Variants in TPRG1 observed in about 807,000 individuals in gnomAD.
The protein encoded by TPRG1 is tumor protein p63-regulated gene 1 protein.
A neutral mutation model predicts 29.3 loss-of-function variants in TPRG1; 29 were observed. The observed-to-expected ratio is 0.99, with a 90% CI of 0.74 to 1.35. The LOEUF is 1.35. Among genes scored for constraint, TPRG1 ranks in the 40% most tolerant of loss-of-function variants. The probability of loss-of-function intolerance (pLI) is 0.00; values close to 1 mark genes in which losing one functional copy is unlikely to be tolerated. For synonymous variants in TPRG1, 130 were observed against 116.8 expected (o/e 1.11, Z -0.73); for missense variants, 327 against 335.0 (o/e 0.98, Z 0.19).
chr3:189,074,969 G>A (rs1414084988), intron 4 of TPRG1, among the ~76,000 whole-genome samples: 3 of 151,470 alleles, frequency 2.0e-5, no homozygotes, highest in African/African-American at 7.3e-5. Context: ...CCGCCACCAC[G>A]CCCGGCTAAT....
chr3:189,271,673 A>C (rs1715153309), intron 4 of TPRG1, among the ~76,000 whole-genome samples: 1 of 152,240 alleles, frequency 6.6e-6, no homozygotes, highest in South Asian at 2.1e-4. Context: ...TAGAACTAGA[A>C]AAGACCTTAG....
chr3:189,229,801 A>AT lies in TPRG1; in HGVS notation c.303-8927dup, dbSNP rs1489833673. On this transcript the variant is annotated intron_variant, in intron 3 of 5. Transcript: ENST00000345063. ...AGATTTCTGTGGGATTCCTCAGAGTATTTTTACAACATCGCCTCATCTTGG... is the reference window on the plus strand; with the variant it reads ...AGATTTCTGTGGGATTCCTCAGAGTATTTTTTACAACATCGCCTCATCTTGG... Among the ~76,000 whole-genome samples, 39 of 152,050 alleles carry AT rather than the reference A, an allele frequency of 2.6e-4. 1 individual carries two copies. Among genetic ancestry groups the AT allele is most frequent in the Admixed American group, 1.3e-4 (2 of 15,248 alleles).
intron 4 of TPRG1, among the ~76,000 whole-genome samples, chr3:189,295,659 T>C (rs16864178): frequency 0.028 from 4,290 of 152,116 alleles, 152 homozygotes; most frequent in East Asian, 0.075. Flanking sequence ...CAAGCATCTT[T>C]AGGGGATTGT....
chr3:189,184,071 C>T (rs1730596925), intron 1 of TPRG1, among the ~76,000 whole-genome samples: 1 of 152,158 alleles, frequency 6.6e-6, no homozygotes, highest in South Asian at 2.1e-4. Flanking sequence ...ATGAAATCGT[C>T]ACAATCCATG....
At chr3:189,208,110 T>G (rs1014595029) in intron 2 of TPRG1, among the ~76,000 whole-genome samples, 22 of 152,320 alleles carry the variant, frequency 1.4e-4, no homozygotes, top group African/African-American at 5.3e-4. Flanking sequence ...CTCTCTTACC[T>G]GTGCAATGGA....
chr3:189,113,788 C>T (rs60258160), intron 1 of TPRG1, among the ~76,000 whole-genome samples: 1 of 151,614 alleles, frequency 6.6e-6, no homozygotes. Flanking sequence ...GGACGGGGGA[C>T]GGATAGCTTT....
At chr3:189,010,223 T>C (rs1712525466) in intron 3 of TPRG1, among the ~76,000 whole-genome samples, 1 of 152,172 alleles carries the variant, frequency 6.6e-6, no homozygotes, top group African/African-American at 2.4e-5. Context: ...ATTCCATGTC[T>C]TTGCTGTTGT....
At chr3:189,126,874 T>C (rs962914805) in intron 1 of TPRG1, among the ~76,000 whole-genome samples, 1 of 152,008 alleles carries the variant, frequency 6.6e-6, no homozygotes, top group Non-Finnish European at 1.5e-5. Flanking sequence ...ATTCACACGA[T>C]TTCATTGTGA....
chr3:189,063,651 T>C (rs910435342), intron 4 of TPRG1, among the ~76,000 whole-genome samples: 2 of 149,374 alleles, frequency 1.3e-5, no homozygotes, highest in Non-Finnish European at 3.0e-5. Flanking sequence ...AACATACTTC[T>C]AAATACTTTA....
rs77421865 is a variant in TPRG1, at chr3:189,162,773, G to C, written c.-10+11901G>C. On this transcript the variant is annotated intron_variant, in intron 5 of 6. Transcript: ENST00000412373. ...ACATAAGATACACGTGGGGAAATTTGGAGAGAGAACCAGATCTCTCTCTGT... is the reference window on the plus strand; with the variant it reads ...ACATAAGATACACGTGGGGAAATTTCGAGAGAGAACCAGATCTCTCTCTGT... 4.7e-3 allele frequency among the ~76,000 whole-genome samples: 716 copies of C among 152,196 alleles called. 5 individuals carry two copies. Among genetic ancestry groups the C allele is most frequent in the African/African-American group, 0.017 (686 of 41,506 alleles).
At chr3:189,203,244 T>C (rs554595449) in intron 1 of TPRG1, among the ~76,000 whole-genome samples, 6 of 152,156 alleles carry the variant, frequency 3.9e-5, no homozygotes, top group Non-Finnish European at 7.4e-5. Context: ...CTATATTAAA[T>C]TTAGTTCTGA....
At chr3:189,171,886 C>G (rs1728856961), upstream of TPRG1, 1 of 152,360 alleles carries the variant, frequency 6.6e-6, no homozygotes, top group Non-Finnish European at 1.5e-5. Flanking sequence ...ACCCAATTCT[C>G]TGCCTCTGAC....
intron 5 of TPRG1, among the ~76,000 whole-genome samples, chr3:189,156,117 A>G (rs1726634197): frequency 6.6e-6 from 1 of 152,210 alleles, no homozygotes. Context: ...ATATTTATTT[A>G]TCAATTGTAA....
intron 4 of TPRG1, among the ~76,000 whole-genome samples, chr3:189,055,049 C>T (rs1479981611): frequency 6.6e-6 from 1 of 152,218 alleles, no homozygotes; most frequent in South Asian, 2.1e-4. Flanking sequence ...TCTAACTAAA[C>T]TATCTGTTTG....
chr3:189,024,649 T>C (rs1240563962), intron 4 of TPRG1, among the ~76,000 whole-genome samples: 1 of 152,114 alleles, frequency 6.6e-6, no homozygotes, highest in Non-Finnish European at 1.5e-5. Flanking sequence ...CAAACAACAA[T>C]GATGGTGGCC....
chr3:189,139,913 C>T (rs995572228), intron 3 of TPRG1, among the ~76,000 whole-genome samples: 21 of 152,100 alleles, frequency 1.4e-4, no homozygotes, highest in Non-Finnish European at 2.2e-4. Context: ...ATTGTCAATC[C>T]GTGCAGAGCA....
At chr3:189,041,751 A>G (rs1714648565) in intron 4 of TPRG1, among the ~76,000 whole-genome samples, 1 of 152,194 alleles carries the variant, frequency 6.6e-6, no homozygotes, top group Non-Finnish European at 1.5e-5. Context: ...TCTGCTTTCA[A>G]GTGGAGGCGA....
intron 3 of TPRG1, among the ~76,000 whole-genome samples, chr3:189,005,653 G>C (rs1712248387): frequency 6.6e-6 from 1 of 152,002 alleles, no homozygotes; most frequent in South Asian, 2.1e-4. Flanking sequence ...AGTGTTTCTG[G>C]GCACGTACAT....
At chr3:189,219,700 G>A in intron 3 of TPRG1, 1 of 1,265,204 alleles carries the variant, frequency 7.9e-7, no homozygotes, top group South Asian at 1.3e-5. Context: ...AATGGTTAAA[G>A]AGACAGGAGG....
Sources: allele counts gnomAD v4.1 joint callset (sites outside exome capture counted in the v4.1 genomes callset), GRCh38; gene constraint gnomAD v4.1.1; transcripts MANE v1.5; gene names NCBI Gene and HGNC (gene_info 2026-07-23, HGNC 2026-07-21).